CPZ: variants seen among roughly 807,000 people sequenced by gnomAD.
The protein encoded by CPZ is carboxypeptidase Z, also known as VEZT/CPZ fusion.
CPZ carries 103 observed loss-of-function variants against 61.8 expected under a neutral mutation model. That is an observed-to-expected ratio of 1.67 (90% CI 1.42 to 1.96). CPZ has a LOEUF of 1.96. Ranked by LOEUF, CPZ falls within the 30% of genes most tolerant of loss-of-function variation. The pLI is 0.00. For synonymous variants in CPZ, 551 were observed against 373.7 expected, an observed-to-expected ratio of 1.47 and a Z score of -5.47; for missense variants, 1,461 against 914.9, an observed-to-expected ratio of 1.60 and a Z score of -7.70.
chr4:8,618,558 A>G, intron 10 of CPZ, 30 bp downstream of exon 10: 1 of 1,553,376 alleles, frequency 6.4e-7, no homozygotes, highest in Non-Finnish European at 8.6e-7. Context: ...TCCCCTGGGG[A>G]CCACGTCTGC....
In CPZ at chr4:8,612,648, CT is replaced by C. The variant is rs959819574; in HGVS notation, c.1363+489del. Among the ~76,000 whole-genome samples the C allele has an allele frequency of 6.4e-4, 97 of 152,218 alleles. 1 individual carries two copies. Among genetic ancestry groups the C allele is most frequent in the African/African-American group, 2.2e-3 (93 of 41,458 alleles). On this transcript the variant is annotated intron_variant, in intron 8 of 10. Transcript: ENST00000360986. ...GGAGCCCGACTTGAAGCGTGTACAT[CT>C]TTATCTGCTAAATTTGCCCTTGGGG...
At chr4:8,603,945 CACTG>C (rs1560292811) in intron 3 of CPZ, 27 bp from the exon 4 acceptor site, 5 of 1,595,886 alleles carry the variant, frequency 3.1e-6, no homozygotes, top group East Asian at 2.2e-5. Flanking sequence ...GGGGGCCTGA[CACTG>C]ACTGAGCCCC....
rs993614052 is a variant in CPZ at position 8,611,042 on chromosome 4, G to A, written c.1228-985G>A. 10 of 367,096 alleles carry A rather than the reference G, an allele frequency of 2.7e-5. No individual in the cohort carries two copies. The East Asian group carries it at 5.3e-4, about 19-fold the overall frequency. 22.7% of individuals were successfully genotyped at this position (367,096 alleles called of 1,614,324 possible). ...CACTCATTCCCTCACTCTTTCACTT[G>A]CTCACGCATTCGCTCACTCACTCAT... On this transcript the variant is annotated intron_variant, in intron 7 of 10. Coordinates refer to ENST00000360986, the MANE Select transcript of CPZ (RefSeq NM_001014447.3).
At chr4:8,595,416 C>T (rs1714106140) in intron 1 of CPZ, among the ~76,000 whole-genome samples, 1 of 152,236 alleles carries the variant, frequency 6.6e-6, no homozygotes, top group Non-Finnish European at 1.5e-5. Flanking sequence ...CCACAGTCGT[C>T]CTGGCTTTGC....
Position 8,610,804 on chromosome 4 carries a change from G to A in CPZ, c.1228-1223G>A, listed in dbSNP as rs552233203. Among the ~76,000 whole-genome samples, 357 of 152,236 alleles carry A rather than the reference G, an allele frequency of 2.3e-3. 2 individuals are homozygous for A. The highest frequency in any genetic ancestry group is 8.2e-3 in the African/African-American group (341 of 41,520). On this transcript the variant is annotated intron_variant, in intron 7 of 10. Coordinates refer to ENST00000360986, the MANE Select transcript of CPZ (RefSeq NM_001014447.3). ...CCTGGAACCACAGGGCCTGAGTGGG[G>A]TTGTGTTTGTGCCCTTGGTTTGTGT...
rs188058392 is a variant in CPZ at position 8,593,108 on chromosome 4, G to C, written c.88+187G>C. Among the ~76,000 whole-genome samples, 44 of 152,304 alleles carry C rather than the reference G, an allele frequency of 2.9e-4. 1 individual carries two copies. Among genetic ancestry groups the C allele is most frequent in the African/African-American group, 9.4e-4 (39 of 41,574 alleles). ...GGTAGTGTGACCTCTCCCCTGGACG[G>C]GGACACCAGGGAGGCTCTCTACGGC... On this transcript the variant is annotated intron_variant, in intron 1 of 10. Coordinates refer to ENST00000360986, the MANE Select transcript of CPZ (RefSeq NM_001014447.3).
At position 8,611,880 on chromosome 4, in the gene CPZ, GTTCCCCTCTCCTACCTGCAGACACCA is replaced by G. The variant is rs530572842; in HGVS notation, c.1228-133_1228-108del. On this transcript the variant is annotated intron_variant, in intron 7 of 10. Transcript: ENST00000360986. ...TACACTGTGTCCTCTGCAGGACACC[GTTCCCCTCTCCTACCTGCAGACACCA>G]TTCCCCTCTCCTATCTGCAATGCAG... The G allele has an allele frequency of 6.7e-3, 7,895 of 1,179,034 alleles. 32 individuals carry two copies. Among genetic ancestry groups the G allele is most frequent in the Non-Finnish European group, 8.1e-3 (6,810 of 840,244 alleles). 73.0% of individuals were successfully genotyped at this position (1,179,034 alleles called of 1,614,324 possible).
At chr4:8,605,322 T>TCCATCCATCCATC (rs1714858554) in intron 4 of CPZ, among the ~76,000 whole-genome samples, 48 of 150,094 alleles carry the variant, frequency 3.2e-4, no homozygotes, top group Non-Finnish European at 5.9e-4. Flanking sequence ...ATTCATTTAT[T>TCCATCCATCCATC]CATCCATCCA....
intron 7 of CPZ, among the ~76,000 whole-genome samples, chr4:8,609,937 G>A (rs3796731): frequency 0.063 from 9,662 of 152,216 alleles, 369 homozygotes; most frequent in South Asian, 0.15. Flanking sequence ...GGTGCCCTAC[G>A]GACGAGAGCC....
chr4:8,612,630 G>T (rs756235455), intron 8 of CPZ, among the ~76,000 whole-genome samples: 2 of 152,216 alleles, frequency 1.3e-5, no homozygotes, highest in Non-Finnish European at 2.9e-5. Flanking sequence ...TCTGGAGCCC[G>T]ACTTGAAGCG....
rs768518353 is a variant in CPZ, at chr4:8,612,020, T to C, written c.1228-7T>C. ...CTTTCCTTATCTGAGCCAGGTTTCT[T>C]TTCCAGATGTTCAAGCTGCTGTCCA... is the stretch of plus-strand genomic sequence containing the variant. On this transcript the variant is annotated splice_region_variant and splice_polypyrimidine_tract_variant and intron_variant, in intron 7 of 10. Transcript: ENST00000360986. 1.2e-6 allele frequency: 2 copies of C among 1,613,872 alleles called. No individual in the cohort carries two copies. The highest frequency in any genetic ancestry group is 3.3e-5 in the Admixed American group (2 of 59,998).
In CPZ at chr4:8,604,171, C is replaced by A. The variant is rs866846974; in HGVS notation, c.692C>A (p.Pro231His). The A allele has an allele frequency of 6.4e-7, 1 of 1,561,992 alleles. No homozygotes were observed. The highest frequency in any genetic ancestry group is 2.4e-5 in the East Asian group (1 of 42,056). ...ELLVIEFSSRPGQHELMEPEV... is the reference protein window; with the variant it reads ...ELLVIEFSSRHGQHELMEPEV... ...CTGGTCATCGAGTTCTCCAGCCGCC[C>A]CGGCCAGCACGAGCTGAGTGAGTGC... The change falls in exon 4 of 11, where the codon CCC becomes CAC. Residue 231 changes from proline (P) to histidine (H), a missense_variant. Physicochemically the swap from Pro to His is moderately conservative, Grantham distance 77 (BLOSUM62 -2). Transcript: ENST00000360986.
intron 1 of CPZ, among the ~76,000 whole-genome samples, chr4:8,598,244 C>T (rs1238390779): frequency 6.6e-6 from 1 of 152,172 alleles, no homozygotes; most frequent in Non-Finnish European, 1.5e-5. Flanking sequence ...ACTGTGGTTG[C>T]CCAGTCCCCA....
intron 1 of CPZ, among the ~76,000 whole-genome samples, chr4:8,594,654 G>T (rs1191025179): frequency 6.6e-6 from 1 of 152,202 alleles, no homozygotes; most frequent in East Asian, 1.9e-4. Flanking sequence ...TTCAAAAGCC[G>T]CTTTCAGACC....
intron 7 of CPZ, among the ~76,000 whole-genome samples, chr4:8,608,277 CG>C (rs1560296937): frequency 6.6e-6 from 1 of 152,160 alleles, no homozygotes; most frequent in Non-Finnish European, 1.5e-5. Context: ...CCAGGCTTCG[CG>C]TGGAGAGCCA....
chr4:8,617,630 T>G (rs113290198), intron 9 of CPZ, among the ~76,000 whole-genome samples: 6,487 of 152,274 alleles, frequency 0.043, 161 homozygotes, highest in Middle Eastern at 0.051. Context: ...GGGAGCCCTT[T>G]CCCTTGAGAA....
At chr4:8,609,372 TTCAC>T (rs753181907) in intron 7 of CPZ, among the ~76,000 whole-genome samples, 39 of 151,530 alleles carry the variant, frequency 2.6e-4, no homozygotes, top group Non-Finnish European at 4.6e-4. Context: ...CACAAACTCA[TTCAC>T]TCACTCTTAT....
intron 1 of CPZ, among the ~76,000 whole-genome samples, chr4:8,596,788 CT>C (rs1481663648): frequency 6.6e-6 from 1 of 152,220 alleles, no homozygotes; most frequent in Non-Finnish European, 1.5e-5. Flanking sequence ...TGTCCAGTCC[CT>C]GTGTGATGGT....
chr4:8,611,994 C>A, intron 7 of CPZ, 33 bp from the exon 8 acceptor site: 2 of 1,613,334 alleles, frequency 1.2e-6, no homozygotes, highest in Non-Finnish European at 1.7e-6. Context: ...TGCAGGGGAC[C>A]CTTTCCTTAT....
Sources: gnomAD v4.1 joint callset for allele counts (sites outside exome capture counted in the v4.1 genomes callset) on GRCh38, gnomAD v4.1.1 for gene constraint, MANE v1.5 for transcripts, NCBI Gene and HGNC (gene_info 2026-07-23, HGNC 2026-07-21) for gene names.